PGCKA1: variants seen among roughly 807,000 people sequenced by gnomAD.
The protein encoded by PGCKA1 is PDCD10 and GCKIII kinases-associated protein 1.
At chr4:37,462,506 T>C in the PGCKA1 span, among the ~76,000 whole-genome samples, 1 of 152,196 alleles carries the variant, frequency 6.6e-6, no homozygotes, top group Non-Finnish European at 1.5e-5. Flanking sequence ...TCAAAGTTTA[T>C]ATTGGTGGTT....
the PGCKA1 span, among the ~76,000 whole-genome samples, chr4:37,572,256 T>C: frequency 4.0e-5 from 6 of 149,914 alleles, no homozygotes; most frequent in East Asian, 4.0e-4. Context: ...TTAGTAGAGA[T>C]GGGGTTTCAC....
At chr4:37,590,397 C>T in the PGCKA1 span, 18 of 1,613,556 alleles carry the variant, frequency 1.1e-5, no homozygotes, top group Admixed American at 3.0e-4. Flanking sequence ...GGAATTCCAG[C>T]CCCACCCAGG....
chr4:37,509,621 G>A, the PGCKA1 span, among the ~76,000 whole-genome samples: 2 of 151,706 alleles, frequency 1.3e-5, no homozygotes, highest in African/African-American at 2.4e-5. Flanking sequence ...CGGCTGGGAG[G>A]TGGAGGTTGT....
chr4:37,590,247 TGA>T, the PGCKA1 span: 1 of 1,614,028 alleles, frequency 6.2e-7, no homozygotes, highest in Non-Finnish European at 8.5e-7. Flanking sequence ...CAAAGAAGAC[TGA>T]GAGCAGCAGC....
At chr4:37,537,303 A>G in the PGCKA1 span, among the ~76,000 whole-genome samples, 45 of 152,324 alleles carry the variant, frequency 3.0e-4, no homozygotes, top group African/African-American at 9.1e-4. Flanking sequence ...AACAACTAGA[A>G]CATCAGCAAG....
At chr4:37,477,906 C>T in the PGCKA1 span, among the ~76,000 whole-genome samples, 1 of 152,116 alleles carries the variant, frequency 6.6e-6, no homozygotes, top group African/African-American at 2.4e-5. Context: ...ATCCTGTGAT[C>T]TGCGAGCAGT....
At chr4:37,464,423 T>C in the PGCKA1 span, among the ~76,000 whole-genome samples, 8,006 of 152,314 alleles carry the variant, frequency 0.053, 280 homozygotes, top group South Asian at 0.076. Flanking sequence ...TTTTCTCATC[T>C]GTAAAACTGG....
chr4:37,478,532 G>A, the PGCKA1 span, among the ~76,000 whole-genome samples: 1 of 152,170 alleles, frequency 6.6e-6, no homozygotes, highest in Admixed American at 6.5e-5. Flanking sequence ...GTTTTAGATC[G>A]TCCTTCAAGC....
chr4:37,565,349 C>T, the PGCKA1 span, among the ~76,000 whole-genome samples: 2 of 152,276 alleles, frequency 1.3e-5, no homozygotes, highest in South Asian at 2.1e-4. Context: ...CCTCCCAGCT[C>T]ATGGCCATGT....
the PGCKA1 span, among the ~76,000 whole-genome samples, chr4:37,504,435 TA>T: frequency 1.4e-4 from 21 of 145,388 alleles, no homozygotes; most frequent in Non-Finnish European, 2.5e-4. Flanking sequence ...CCATATAAAT[TA>T]AAATTTTTTT....
chr4:37,548,326 A>AT, the PGCKA1 span, among the ~76,000 whole-genome samples: 1 of 152,164 alleles, frequency 6.6e-6, no homozygotes, highest in African/African-American at 2.4e-5. Context: ...AAGAATGTGG[A>AT]TTTTTACCTA....
At chr4:37,552,982 A>T in the PGCKA1 span, among the ~76,000 whole-genome samples, 18,752 of 152,162 alleles carry the variant, frequency 0.12, 1,402 homozygotes, top group Middle Eastern at 0.26. Flanking sequence ...TTTTGCTTTT[A>T]CTAAAACTGT....
chr4:37,500,452 C>A, the PGCKA1 span, among the ~76,000 whole-genome samples: 11 of 152,262 alleles, frequency 7.2e-5, no homozygotes, highest in Admixed American at 7.2e-4. Flanking sequence ...CAGTCTTGAT[C>A]TCTAATTTTA....
the PGCKA1 span, among the ~76,000 whole-genome samples, chr4:37,516,012 G>C: frequency 2.0e-5 from 3 of 152,216 alleles, 1 homozygote; most frequent in Admixed American, 2.0e-4. Context: ...CCTTTTTCAA[G>C]TCAATTGTAG....
the PGCKA1 span, among the ~76,000 whole-genome samples, chr4:37,488,649 G>C: frequency 6.6e-6 from 1 of 152,114 alleles, no homozygotes; most frequent in Non-Finnish European, 1.5e-5. Context: ...TGGGAAATCT[G>C]GATGAAGATA....
chr4:37,506,340 A>G, the PGCKA1 span, among the ~76,000 whole-genome samples: 4 of 151,522 alleles, frequency 2.6e-5, no homozygotes, highest in African/African-American at 9.7e-5. Context: ...TTGCTTTTCC[A>G]GTTCTTTAAG....
chr4:37,541,207 G>A, the PGCKA1 span, among the ~76,000 whole-genome samples: 1 of 152,004 alleles, frequency 6.6e-6, no homozygotes, highest in East Asian at 1.9e-4. Context: ...CCATCCTAGT[G>A]GATTTATCTC....
At chr4:37,583,735 C>T in the PGCKA1 span, among the ~76,000 whole-genome samples, 1 of 152,200 alleles carries the variant, frequency 6.6e-6, no homozygotes, top group Non-Finnish European at 1.5e-5. Flanking sequence ...GCTGCAGAAG[C>T]AGGCGGCAGC....
At chr4:37,502,278 C>G in the PGCKA1 span, among the ~76,000 whole-genome samples, 4 of 152,194 alleles carry the variant, frequency 2.6e-5, no homozygotes, top group Non-Finnish European at 5.9e-5. Flanking sequence ...AAGCGGGTGC[C>G]GGGGGCCTGC....
Sources: allele counts gnomAD v4.1 joint callset (sites outside exome capture counted in the v4.1 genomes callset), GRCh38; gene constraint gnomAD v4.1.1; transcripts MANE v1.5; gene names NCBI Gene and HGNC (gene_info 2026-07-23, HGNC 2026-07-21).